COL3A1: variants seen among roughly 807,000 people sequenced by gnomAD.
COL3A1 encodes the protein collagen alpha-1(III) chain.
In COL3A1, 46 loss-of-function variants were observed where a neutral mutation model predicts 200.9. That is an observed-to-expected ratio of 0.23 (90% CI 0.18 to 0.29). The LOEUF (loss-of-function observed/expected upper bound fraction) is 0.29, where lower values mean the gene tolerates loss of function less well. COL3A1 is among the 10% of genes least tolerant of loss of function. COL3A1 has a pLI of 1.00. For missense variants in COL3A1, 1,367 were observed against 1,917.6 expected, an observed-to-expected ratio of 0.71 and a Z score of 5.36; for synonymous variants, 650 against 628.0, an observed-to-expected ratio of 1.03 and a Z score of -0.52.
chr2:188,976,293 G>A (rs7593762), intron 1 of COL3A1, among the ~76,000 whole-genome samples: 4,073 of 152,086 alleles, frequency 0.027, 193 homozygotes, highest in African/African-American at 0.091. Flanking sequence ...TAGTGGGGGG[G>A]TGTTTGCCAC....
intron 47 of COL3A1, 175 bp from the exon 48 acceptor site, chr2:189,008,749 T>G (rs1300571382): frequency 1.1e-5 from 7 of 655,824 alleles, no homozygotes; most frequent in Non-Finnish European, 1.9e-5. Flanking sequence ...GAATTGTAGT[T>G]ATTATAAATC....
At chr2:188,977,355 T>A (rs1211200743) in intron 1 of COL3A1, among the ~76,000 whole-genome samples, 2 of 152,072 alleles carry the variant, frequency 1.3e-5, no homozygotes, top group South Asian at 2.1e-4. Context: ...CCTCTAGTTG[T>A]TTTAGAATTT....
Position 189,011,798 on chromosome 2 carries a change from AC to A in COL3A1, c.*25del. The A allele has an allele frequency of 6.2e-7, 1 of 1,613,722 alleles. No individual in the cohort carries two copies. Among genetic ancestry groups the A allele is most frequent in the Admixed American group, 1.7e-5 (1 of 60,008 alleles). On this transcript the variant is annotated 3_prime_UTR_variant, in exon 51 of 51. Coordinates refer to ENST00000304636, the MANE Select transcript of COL3A1 (RefSeq NM_000090.4). ...AAACCAAACTCTATCTGAAATCCCA[AC>A]AAAAAAAATTTAACTCCATATGTGT...
At chr2:188,996,719 T>A (rs564806902) in intron 24 of COL3A1, among the ~76,000 whole-genome samples, 2 of 152,298 alleles carry the variant, frequency 1.3e-5, no homozygotes, top group East Asian at 3.9e-4. Context: ...CTGGGTGCGC[T>A]GGCTCACGCC....
rs1464602970 is a variant in COL3A1, at chr2:189,009,234, G to A, written c.3823+13G>A. The A allele has an allele frequency of 1.2e-6, 2 of 1,613,842 alleles. No homozygotes were observed. Among genetic ancestry groups the A allele is most frequent in the African/African-American group, 1.3e-5 (1 of 74,930 alleles). On this transcript the variant is annotated intron_variant, in intron 48 of 50. Transcript: ENST00000304636. ...GAACTCAAGAGTGGTATGTTTGGTA[G>A]TCTTTCATCTTCATGGCAATAGGAT...
chr2:189,007,065 T>G, intron 44 of COL3A1, 75 bp downstream of exon 44: 1 of 1,074,662 alleles, frequency 9.3e-7, no homozygotes, highest in Admixed American at 2.1e-5. Flanking sequence ...GGAAATATTT[T>G]ATTTTCCAGC....
At chr2:189,003,864 C>T (rs767784608) in intron 38 of COL3A1, 77 bp downstream of exon 38, 21 of 1,580,076 alleles carry the variant, frequency 1.3e-5, no homozygotes, top group Admixed American at 6.7e-5. Context: ...GAGAAACTTA[C>T]ACATTGCTAC....
intron 24 of COL3A1, among the ~76,000 whole-genome samples, chr2:188,996,936 C>A (rs1688336832): frequency 6.6e-6 from 1 of 151,844 alleles, no homozygotes; most frequent in African/African-American, 2.4e-5. Flanking sequence ...CTACAGTGAG[C>A]CAAGATTGCG....
At chr2:189,005,920 A>G (rs1688575841) in intron 41 of COL3A1, among the ~76,000 whole-genome samples, 1 of 152,184 alleles carries the variant, frequency 6.6e-6, no homozygotes, top group Non-Finnish European at 1.5e-5. Context: ...ATTTCCACTA[A>G]CAGTTTAGAT....
rs758578189 is a variant in COL3A1 at position 188,999,474 on chromosome 2, C to A, written c.2126C>A (p.Ala709Asp). ...GPPGPEGGKG[A>D]AGPPGPPGAA... is the part of the protein sequence containing the mutation. The stretch of plus-strand genomic sequence containing the variant: ...TTATTTCTCACTTATTTTCAGGGTG[C>A]TGCTGGTCCTCCTGGGCCACCTGGT... Residue 709 changes from alanine (A) to aspartate (D), a missense_variant, in exon 31 of 51, where the codon GCT (alanine) becomes GAT (aspartate). Around this residue, in one of 5 missense-constraint regions of COL3A1, gnomAD observed 846 missense variants for 1,147.9 expected, o/e 0.74. Coordinates refer to ENST00000304636, the MANE Select transcript of COL3A1 (RefSeq NM_000090.4). 6.2e-7 allele frequency: 1 copy of A among 1,614,096 alleles called. No individual in the cohort carries two copies. The highest frequency in any genetic ancestry group is 1.7e-5 in the Admixed American group (1 of 60,020).
intron 1 of COL3A1, among the ~76,000 whole-genome samples, chr2:188,981,807 C>T (rs1346292886): frequency 6.6e-6 from 1 of 151,504 alleles, no homozygotes; most frequent in African/African-American, 2.4e-5. Context: ...AGAGCTTTAA[C>T]TTTCAGTAGA....
At position 188,991,616 on chromosome 2, in the gene COL3A1, T is replaced by C. The variant is rs574310437; in HGVS notation, c.898-53T>C. 3.2e-4 allele frequency: 522 copies of C among 1,610,384 alleles called. 6 individuals are homozygous for C. In the South Asian group the frequency reaches 5.5e-3, roughly 17 times the overall value. Reference sequence around the variant, plus strand: ...ACTGGCTTTGCTCCCACCCCAACTGTTCTTACACATGTCAAGATTAGAGTA... The same window carrying C: ...ACTGGCTTTGCTCCCACCCCAACTGCTCTTACACATGTCAAGATTAGAGTA... On this transcript the variant is annotated intron_variant, in intron 12 of 50. Transcript: ENST00000304636.
At chr2:189,004,183 G>T (rs768073474) in intron 39 of COL3A1, 40 bp downstream of exon 39, 1 of 1,612,012 alleles carries the variant, frequency 6.2e-7, no homozygotes, top group Admixed American at 1.7e-5. Flanking sequence ...CTACTATTTT[G>T]ATTTTTATCA....
intron 40 of COL3A1, 28 bp from the exon 41 acceptor site, chr2:189,005,322 A>G (rs766596808): frequency 3.8e-6 from 6 of 1,584,900 alleles, no homozygotes; most frequent in Non-Finnish European, 5.2e-6. Flanking sequence ...AAGTTGAAAC[A>G]AAATGTTTTT....
At chr2:188,991,137 C>G in intron 11 of COL3A1, 80 bp downstream of exon 11, 1 of 1,455,248 alleles carries the variant, frequency 6.9e-7, no homozygotes. Context: ...TATTGTGAGC[C>G]TTAACTTGTT....
Position 189,002,278 on chromosome 2 carries a change from G to A in COL3A1, c.2392-20G>A. On this transcript the variant is annotated intron_variant, in intron 34 of 50. Transcript: ENST00000304636. Reference sequence around the variant, plus strand: ...TGACGCACACTTCACTGTGACTAAGGAGGATATTTTTCTCTTCAGGGTGAG... The same window carrying A: ...TGACGCACACTTCACTGTGACTAAGAAGGATATTTTTCTCTTCAGGGTGAG... 2 of 1,607,974 alleles carry A rather than the reference G, an allele frequency of 1.2e-6. No individual in the cohort carries two copies. The highest frequency in any genetic ancestry group is 1.7e-6 in the Non-Finnish European group (2 of 1,174,424).
intron 25 of COL3A1, 49 bp from the exon 26 acceptor site, chr2:188,997,287 T>C (rs1184198570): frequency 3.1e-6 from 5 of 1,612,934 alleles, no homozygotes; most frequent in Non-Finnish European, 4.2e-6. Flanking sequence ...TTCTGACTTC[T>C]CTCTGTAATC....
At chr2:188,989,637 T>A (rs776043531) in intron 8 of COL3A1, among the ~76,000 whole-genome samples, 188 bp downstream of exon 8, 16 of 152,176 alleles carry the variant, frequency 1.1e-4, no homozygotes, top group Admixed American at 4.6e-4. Flanking sequence ...TATATATCAT[T>A]TGTTGAATTC....
chr2:188,985,036 C>G, intron 2 of COL3A1, 74 bp downstream of exon 2: 1 of 1,483,176 alleles, frequency 6.7e-7, no homozygotes. Context: ...ATCATAGGAG[C>G]CTAAAAGGGA....
Sources: allele counts gnomAD v4.1 joint callset (sites outside exome capture counted in the v4.1 genomes callset), GRCh38; gene constraint gnomAD v4.1.1; regional missense constraint gnomAD v4.1.1; transcripts MANE v1.5; gene names NCBI Gene and HGNC (gene_info 2026-07-23, HGNC 2026-07-21).